Variants in LRRC43 observed in about 807,000 individuals in gnomAD.
LRRC43 encodes leucine rich repeat containing 43, also known as leucine-rich repeat-containing protein 43.
A neutral mutation model predicts 64.3 loss-of-function variants in LRRC43; 62 were observed. That is an observed-to-expected ratio of 0.96 (90% CI 0.79 to 1.19). LRRC43 has a LOEUF of 1.19. Ranked by LOEUF, LRRC43 falls within the 50% of genes most tolerant of loss-of-function variation. The probability of loss-of-function intolerance (pLI) is 0.00; values close to 1 mark genes in which losing one functional copy is unlikely to be tolerated. For missense variants in LRRC43, 868 were observed against 845.0 expected (o/e 1.03, Z -0.34); for synonymous variants, 422 against 382.3 (o/e 1.10, Z -1.21).
intron 11 of LRRC43, 81 bp from the exon 12 acceptor site, chr12:122,203,234 G>A: frequency 3.3e-6 from 5 of 1,519,534 alleles, no homozygotes; most frequent in Non-Finnish European, 4.5e-6. Context: ...TCCAGGGCTT[G>A]CATATGGGAT....
intron 11 of LRRC43, 102 bp downstream of exon 11, chr12:122,201,431 GCTTCTGGC>G: frequency 9.5e-7 from 1 of 1,048,936 alleles, no homozygotes; most frequent in Non-Finnish European, 1.5e-6. Flanking sequence ...GGGAATGGTA[GCTTCTGGC>G]CTGGGGAGAG....
At chr12:122,180,740 G>A (rs1167655232), upstream of LRRC43, among the ~76,000 whole-genome samples, 1 of 152,112 alleles carries the variant, frequency 6.6e-6, no homozygotes, top group African/African-American at 2.4e-5. Flanking sequence ...ATTTGACACA[G>A]TAGACGCCCA....
intron 11 of LRRC43, among the ~76,000 whole-genome samples, chr12:122,202,590 A>G (rs1243179795): frequency 6.6e-6 from 1 of 152,196 alleles, no homozygotes; most frequent in East Asian, 1.9e-4. Flanking sequence ...AGATATTCCA[A>G]CAGTTGACAC....
In LRRC43 at chr12:122,192,966, G is replaced by A. The variant is rs1462766990; in HGVS notation, c.1311G>A (p.Leu437=). 6.2e-7 allele frequency: 1 copy of A among 1,614,118 alleles called. No individual in the cohort carries two copies. The highest frequency in any genetic ancestry group is 1.7e-5 in the Admixed American group (1 of 60,008). The change falls in exon 7 of 12, where the codon TTG becomes TTA. Residue 437 remains leucine (L), a synonymous_variant. Coordinates refer to ENST00000339777, the MANE Select transcript of LRRC43 (RefSeq NM_001098519.2). ...CCTCTGCAGAAGAGCTGGCCAAGTT[G>A]AGGCTGCGTATAGATCCCCGGCTCT... is the stretch of plus-strand genomic sequence containing the variant. The part of the protein sequence containing the change: ...PRASAEELAK[L]RLRIDPRLCP...
At chr12:122,196,562 G>GT (rs1445455063) in intron 7 of LRRC43, among the ~76,000 whole-genome samples, 1 of 152,164 alleles carries the variant, frequency 6.6e-6, no homozygotes, top group Non-Finnish European at 1.5e-5. Context: ...GAGGTCAGGA[G>GT]TTTGAGATCA....
chr12:122,192,415 C>T (rs1395768583), intron 6 of LRRC43, among the ~76,000 whole-genome samples: 6 of 151,778 alleles, frequency 4.0e-5, no homozygotes, highest in Non-Finnish European at 8.8e-5. Context: ...GGATTACAGG[C>T]GTGAGCCACC....
At chr12:122,176,167 C>T (rs1280838833) in intron 1 of LRRC43, among the ~76,000 whole-genome samples, 1 of 152,116 alleles carries the variant, frequency 6.6e-6, no homozygotes, top group Middle Eastern at 3.2e-3. Context: ...GTCAGGTGAT[C>T]AGCAAAAGTC....
At chr12:122,174,202 G>A (rs754483557) in intron 1 of LRRC43, 1 of 1,614,018 alleles carries the variant, frequency 6.2e-7, no homozygotes, top group Non-Finnish European at 8.5e-7. Context: ...AGCTTCAGTG[G>A]GGGCTTCTGG....
chr12:122,182,321 C>A (rs1478373782), upstream of LRRC43, among the ~76,000 whole-genome samples: 1 of 151,914 alleles, frequency 6.6e-6, no homozygotes, highest in Non-Finnish European at 1.5e-5. Context: ...GTCAGGAGTT[C>A]GAGACCAGCC....
chr12:122,172,388 C>A, intron 1 of LRRC43: 1 of 1,559,264 alleles, frequency 6.4e-7, no homozygotes, highest in South Asian at 1.1e-5. Flanking sequence ...TAAGTTCCTG[C>A]CAATCCGAAA....
chr12:122,196,102 T>C (rs1352684715), intron 7 of LRRC43, among the ~76,000 whole-genome samples: 1 of 152,226 alleles, frequency 6.6e-6, no homozygotes, highest in Non-Finnish European at 1.5e-5. Flanking sequence ...ATGTTGGCCC[T>C]GAAAATTCTC....
Position 122,192,938 on chromosome 12 carries a change from G to GGCTC in LRRC43, c.1284_1285insCTCG (p.Ala429LeufsTer36). The GGCTC allele has an allele frequency of 6.2e-7, 1 of 1,614,000 alleles. No homozygotes were observed. Among genetic ancestry groups the GGCTC allele is most frequent in the Non-Finnish European group, 8.5e-7 (1 of 1,179,970 alleles). Reference sequence around the variant, plus strand: ...CCTTCGACCATCTTGCAGATGCCGAGGGCCTCTGCAGAAGAGCTGGCCAAG... The same window carrying GGCTC: ...CCTTCGACCATCTTGCAGATGCCGAGGCTCGGCCTCTGCAGAAGAGCTGGCCAAG... On this transcript the variant is annotated frameshift_variant, in exon 7 of 12. Transcript: ENST00000339777. LOFTEE classifies it high-confidence loss of function.
intron 1 of LRRC43, chr12:122,172,067 C>T (rs930939428): frequency 6.7e-5 from 12 of 179,848 alleles, no homozygotes; most frequent in African/African-American, 2.4e-4. Context: ...AAATAGATTC[C>T]GAGGGCTCCC....
At chr12:122,196,555 G>A (rs575928916) in intron 7 of LRRC43, among the ~76,000 whole-genome samples, 4 of 152,140 alleles carry the variant, frequency 2.6e-5, no homozygotes, top group Admixed American at 1.3e-4. Flanking sequence ...ATCACTTGAG[G>A]TCAGGAGTTT....
Position 122,184,737 on chromosome 12 carries a change from C to T in LRRC43, c.369C>T (p.Phe123=). Residue 123 remains phenylalanine (F), a synonymous_variant, in exon 2 of 12, where the codon TTC becomes TTT. Coordinates refer to ENST00000339777, the MANE Select transcript of LRRC43 (RefSeq NM_001098519.2). The surrounding 1 kb of genome is among the most constrained non-coding windows in gnomAD (Gnocchi z 4.0). ...ACCCGCTGACGATCACAGACACCTT[C>T]TTCTACTCCTACTTCCGGTCCCTGC... ...IRNPLTITDT[F]FYSYFRSLRV... is the part of the protein sequence containing the mutation. 6.2e-7 allele frequency: 1 copy of T among 1,612,370 alleles called. No homozygotes were observed. Among genetic ancestry groups the T allele is most frequent in the Non-Finnish European group, 8.5e-7 (1 of 1,179,192 alleles).
intron 6 of LRRC43, 82 bp from the exon 7 acceptor site, chr12:122,192,663 G>A: frequency 6.7e-7 from 1 of 1,503,582 alleles, no homozygotes; most frequent in Non-Finnish European, 9.1e-7. Context: ...GATGTCGGGA[G>A]CTGTGTTACA....
chr12:122,195,974 A>C (rs1008093614), intron 7 of LRRC43, among the ~76,000 whole-genome samples: 2 of 152,134 alleles, frequency 1.3e-5, no homozygotes, highest in African/African-American at 4.8e-5. Flanking sequence ...TTGTTCCCCT[A>C]GCGCCCATGA....
chr12:122,182,256 G>C (rs146797874), upstream of LRRC43, among the ~76,000 whole-genome samples: 1,530 of 152,128 alleles, frequency 0.01, 24 homozygotes, highest in African/African-American at 0.035. Flanking sequence ...GGGTGCGGTG[G>C]CTCACGTATG....
chr12:122,184,893 C>G lies in LRRC43; in HGVS notation c.411+114C>G, dbSNP rs1196742978. 8 of 1,195,986 alleles carry G rather than the reference C, an allele frequency of 6.7e-6. No homozygotes were observed. The East Asian group carries it at 1.8e-4, about 27-fold the overall frequency. 74.1% of individuals were successfully genotyped at this position (1,195,986 alleles called of 1,614,324 possible). A position where few individuals can be genotyped will look rare whatever the true frequency, so the allele number is the denominator to read the frequency against. ...AGGGATCCTGCTTTCAGGGCTGAAA[C>G]GAAGGCCAGCCTGCCCTCCATCTGC... On this transcript the variant is annotated intron_variant, in intron 2 of 11. Coordinates refer to ENST00000339777, the MANE Select transcript of LRRC43 (RefSeq NM_001098519.2). This position sits in a 1 kb window ranked among gnomAD's most constrained non-coding sequence, Gnocchi z 4.0.
Sources: allele counts gnomAD v4.1 joint callset (sites outside exome capture counted in the v4.1 genomes callset), GRCh38; gene constraint gnomAD v4.1.1; non-coding constraint Gnocchi (gnomAD v3.1); transcripts MANE v1.5; gene names NCBI Gene and HGNC (gene_info 2026-07-23, HGNC 2026-07-21).